Variants in MICOS13 observed in about 807,000 individuals in gnomAD.
The protein encoded by MICOS13 is mitochondrial contact site and cristae organizing system subunit 13.
In MICOS13, 15 loss-of-function variants were observed where a neutral mutation model predicts 16.1. The observed-to-expected ratio is 0.93, with a 90% CI of 0.62 to 1.44. MICOS13 has a LOEUF of 1.44. Among genes scored for constraint, MICOS13 ranks in the 40% most tolerant of loss-of-function variants. The pLI, the probability that MICOS13 is intolerant of heterozygous loss-of-function variation, is 0.00. For missense variants in MICOS13, 164 were observed against 155.0 expected (o/e 1.06, Z -0.31); for synonymous variants, 61 against 62.6 (o/e 0.97, Z 0.12).
rs751944867 is a variant in MICOS13 at position 5,679,642 on chromosome 19, C to CG, written c.150dup (p.Ala51ArgfsTer32). The CG allele has an allele frequency of 8.7e-6, 14 of 1,610,664 alleles. No individual in the cohort carries two copies. Among genetic ancestry groups the CG allele is most frequent in the East Asian group, 4.5e-5 (2 of 44,868 alleles). ...ACGTACTGGCTGAACTGGTACATGG[C>CG]GGGGGGGACCACCTCCCCAGCCTTC... On this transcript the variant is annotated frameshift_variant, in exon 2 of 4. Coordinates refer to ENST00000309324, the MANE Select transcript of MICOS13 (RefSeq NM_205767.3). LOFTEE classifies it high-confidence loss of function.
In MICOS13 at chr19:5,679,405, AAG is replaced by A; in HGVS notation, c.208-11_208-10del. 6.2e-7 allele frequency: 1 copy of A among 1,613,206 alleles called. No homozygotes were observed. ...TTTGGAGGGGCTGGGAGCTGGGAAAAAGAGATGGGCAGAAAGAACTGGTGAAA... is the reference window on the plus strand; with the variant it reads ...TTTGGAGGGGCTGGGAGCTGGGAAAAAGATGGGCAGAAAGAACTGGTGAAA... On this transcript the variant is annotated splice_polypyrimidine_tract_variant and intron_variant, in intron 2 of 3. Transcript: ENST00000309324.
Position 5,679,408 on chromosome 19 carries a change from A to T in MICOS13, c.208-12T>A, listed in dbSNP as rs764229984. On this transcript the variant is annotated splice_polypyrimidine_tract_variant and intron_variant, in intron 2 of 3. Coordinates refer to ENST00000309324, the MANE Select transcript of MICOS13 (RefSeq NM_205767.3). ...GGAGGGGCTGGGAGCTGGGAAAAAG[A>T]GATGGGCAGAAAGAACTGGTGAAAA... is the stretch of plus-strand genomic sequence containing the variant. 12 of 1,613,106 alleles carry T rather than the reference A, an allele frequency of 7.4e-6. No individual in the cohort carries two copies. The South Asian group carries it at 1.2e-4, about 16-fold the overall frequency.
At chr19:5,679,827 G>A (rs1489177376) in intron 1 of MICOS13, 64 bp from the exon 2 acceptor site, 5 of 1,519,024 alleles carry the variant, frequency 3.3e-6, no homozygotes, top group Non-Finnish European at 3.5e-6. Flanking sequence ...CAGGGGCCAA[G>A]GCCCACGGGG....
chr19:5,678,663 C>T lies in MICOS13; in HGVS notation c.260-15G>A, dbSNP rs750723881. On this transcript the variant is annotated splice_polypyrimidine_tract_variant and intron_variant, in intron 3 of 3. Transcript: ENST00000309324. The stretch of plus-strand genomic sequence containing the variant: ...CGTCATGATGCCTGTGGGAAAGGGA[C>T]GGCCACTGGTGATACTCCCCTCCCA... 41 of 1,486,790 alleles carry T rather than the reference C, an allele frequency of 2.8e-5. No individual in the cohort carries two copies. The highest frequency in any genetic ancestry group is 3.2e-5 in the Non-Finnish European group (35 of 1,110,104). 92.1% of individuals were successfully genotyped at this position (1,486,790 alleles called of 1,614,324 possible). A position where few individuals can be genotyped will look rare whatever the true frequency, so the allele number is the denominator to read the frequency against.
intron 1 of MICOS13, 113 bp from the exon 2 acceptor site, chr19:5,679,876 G>C (rs1316610132): frequency 2.8e-6 from 4 of 1,412,092 alleles, no homozygotes; most frequent in Non-Finnish European, 3.8e-6. Flanking sequence ...TCCACAGGGT[G>C]ACACTCTGTA....
chr19:5,679,868 C>T (rs2054501321), intron 1 of MICOS13, 105 bp from the exon 2 acceptor site: 2 of 1,413,012 alleles, frequency 1.4e-6, no homozygotes, highest in Non-Finnish European at 1.9e-6. Flanking sequence ...GCTCACCGTC[C>T]ACAGGGTGAC....
At chr19:5,679,249 G>GCAGGAAGGAGGATGGA in intron 3 of MICOS13, 96 bp downstream of exon 3, 1 of 1,303,762 alleles carries the variant, frequency 7.7e-7, no homozygotes, top group Non-Finnish European at 1.1e-6. Context: ...CACGTGTCGG[G>GCAGGAAGGAGGATGGA]CAGGAAGGAG....
At position 5,678,600 on chromosome 19, in the gene MICOS13, C is replaced by A. The variant is rs778546765; in HGVS notation, c.308G>T (p.Arg103Leu). Residue 103 changes from arginine to leucine, a missense_variant, in exon 4 of 4, where the codon CGC becomes CTC. Arg to Leu is a moderately radical substitution (Grantham distance 102, BLOSUM62 -2). Coordinates refer to ENST00000309324, the MANE Select transcript of MICOS13 (RefSeq NM_205767.3). ...SALSVAPSKAREYSKEGWEYV... is the reference protein window; with the variant it reads ...SALSVAPSKALEYSKEGWEYV... ...CTCCCAGCCCTCCTTGGAGTACTCGCGGGCCTTGGAGGGGGCCACCGACAG... is the reference window on the plus strand; with the variant it reads ...CTCCCAGCCCTCCTTGGAGTACTCGAGGGCCTTGGAGGGGGCCACCGACAG... 10 of 1,548,332 alleles carry A rather than the reference C, an allele frequency of 6.5e-6. No homozygotes were observed. The South Asian group carries it at 8.3e-5, about 13-fold the overall frequency.
At chr19:5,680,229 C>A (rs1266292492) in intron 1 of MICOS13, 2 of 1,548,708 alleles carry the variant, frequency 1.3e-6, no homozygotes, top group African/African-American at 1.4e-5. Flanking sequence ...GCTGACACCG[C>A]GAACTGAACG....
Position 5,680,467 on chromosome 19 carries a change from G to A in MICOS13, c.20C>T (p.Ser7Leu), listed in dbSNP as rs546864089. 6 of 1,610,920 alleles carry A rather than the reference G, an allele frequency of 3.7e-6. No homozygotes were observed. The African/African-American group carries it at 5.3e-5, about 14-fold the overall frequency. MVARVWSLMRFLIKGSV... is the reference protein window; with the variant it reads MVARVWLLMRFLIKGSV... ...CGGCGCCCCCACGCACCTCATCAGC[G>A]ACCACACCCGGGCCACCATGGTCGC... The change falls in exon 1 of 4, where the codon TCG (serine) becomes TTG (leucine). Residue 7 changes from serine to leucine, a missense_variant. Physicochemically the swap from Ser to Leu is moderately radical, Grantham distance 145. Transcript: ENST00000309324.
In MICOS13 at chr19:5,679,618, C is replaced by T. The variant is rs2054494758; in HGVS notation, c.175G>A (p.Val59Met). ...PPAMYQFSQY[V>M]CQQTGLQIPQ... Reference sequence around the variant, plus strand: ...ATCTGCAGGCCTGTCTGCTGACACACGTACTGGCTGAACTGGTACATGGCG... The same window carrying T: ...ATCTGCAGGCCTGTCTGCTGACACATGTACTGGCTGAACTGGTACATGGCG... Residue 59 changes from valine to methionine, a missense_variant, in exon 2 of 4, where the codon GTG (valine) becomes ATG (methionine). Transcript: ENST00000309324. 1 of 1,611,080 alleles carries T rather than the reference C, an allele frequency of 6.2e-7. No individual in the cohort carries two copies. The highest frequency in any genetic ancestry group is 8.5e-7 in the Non-Finnish European group (1 of 1,179,284).
Position 5,679,779 on chromosome 19 carries a change from G to T in MICOS13, c.30-16C>A. 1 of 1,581,240 alleles carries T rather than the reference G, an allele frequency of 6.3e-7. No homozygotes were observed. On this transcript the variant is annotated splice_polypyrimidine_tract_variant and intron_variant, in intron 1 of 3. Transcript: ENST00000309324. ...GATGAGGAACCTGCGGGCAGGGACG[G>T]GAGGAGCAGAAGCTCAGCGGACACT...
chr19:5,679,721 C>T lies in MICOS13; in HGVS notation c.72G>A (p.Leu24=). ...GCCCCAGCAGCTCCTGGTCGTACAC[C>T]AGGTAGACGGCGCCCCCAGCCACAC... ...KGSVAGGAVY[L]VYDQELLGPS... Residue 24 remains leucine (L), a synonymous_variant, in exon 2 of 4, where the codon CTG becomes CTA. Coordinates refer to ENST00000309324, the MANE Select transcript of MICOS13 (RefSeq NM_205767.3). 1 of 1,609,756 alleles carries T rather than the reference C, an allele frequency of 6.2e-7. No individual in the cohort carries two copies. The highest frequency in any genetic ancestry group is 8.5e-7 in the Non-Finnish European group (1 of 1,179,212).
Position 5,678,443 on chromosome 19 carries a change from G to T in MICOS13, c.*108C>A, listed in dbSNP as rs2145517760. Reference sequence around the variant, plus strand: ...GGAACACTTCTGAAGTCCTTTATTGGGCCGGCAAGGCCGGGAGCTGCCCTC... The same window carrying T: ...GGAACACTTCTGAAGTCCTTTATTGTGCCGGCAAGGCCGGGAGCTGCCCTC... On this transcript the variant is annotated 3_prime_UTR_variant, in exon 4 of 4. Transcript: ENST00000309324. The T allele has an allele frequency of 9.3e-7, 1 of 1,078,424 alleles. No individual in the cohort carries two copies. The highest frequency in any genetic ancestry group is 1.3e-6 in the Non-Finnish European group (1 of 741,912). The allele number at this position is 1,078,424 out of a possible 1,614,324, so 66.8% of individuals were successfully genotyped here. A position where few individuals can be genotyped will look rare whatever the true frequency, so the allele number is the denominator to read the frequency against.
intron 3 of MICOS13, 179 bp from the exon 4 acceptor site, chr19:5,678,827 C>T (rs948214234): frequency 3.6e-5 from 20 of 548,342 alleles, no homozygotes; most frequent in Non-Finnish European, 4.5e-5. Context: ...CTGCAACCTT[C>T]GCCTCCTGGG....
intron 2 of MICOS13, 25 bp downstream of exon 2, chr19:5,679,561 T>C: frequency 6.2e-7 from 1 of 1,605,206 alleles, no homozygotes; most frequent in Non-Finnish European, 8.5e-7. Context: ...CGCCAAACCC[T>C]GGCCTCGTTC....
chr19:5,678,436 T>C lies in MICOS13; in HGVS notation c.*115A>G, dbSNP rs2145517753. On this transcript the variant is annotated 3_prime_UTR_variant, in exon 4 of 4. Transcript: ENST00000309324. ...GGGTCAGGGAACACTTCTGAAGTCCTTTATTGGGCCGGCAAGGCCGGGAGC... is the reference window on the plus strand; with the variant it reads ...GGGTCAGGGAACACTTCTGAAGTCCCTTATTGGGCCGGCAAGGCCGGGAGC... 1.9e-6 allele frequency: 2 copies of C among 1,047,122 alleles called. No individual in the cohort carries two copies. The highest frequency in any genetic ancestry group is 4.7e-5 in the Admixed American group (2 of 42,458). The allele number at this position is 1,047,122 out of a possible 1,614,324, so 64.9% of individuals were successfully genotyped here. A position where few individuals can be genotyped will look rare whatever the true frequency, so the allele number is the denominator to read the frequency against.
rs201308097 is a variant in MICOS13 at position 5,679,643 on chromosome 19, G to T, written c.150C>A (p.Pro50=). The change falls in exon 2 of 4, where the codon CCC becomes CCA. Residue 50 remains proline (P), a synonymous_variant. Transcript: ENST00000309324. ...ALQKAGEVVP[P]AMYQFSQYVC... ...CGTACTGGCTGAACTGGTACATGGC[G>T]GGGGGGACCACCTCCCCAGCCTTCT... is the stretch of plus-strand genomic sequence containing the variant. The T allele has an allele frequency of 1.8e-5, 29 of 1,609,528 alleles. No individual in the cohort carries two copies. The highest frequency in any genetic ancestry group is 2.5e-5 in the Non-Finnish European group (29 of 1,178,866).
rs1347498915 is a variant in MICOS13, at chr19:5,680,198, A to G, written c.29+260T>C. 2.8e-5 allele frequency: 43 copies of G among 1,538,348 alleles called. No homozygotes were observed. In the East Asian group the frequency reaches 1.0e-3, roughly 36 times the overall value. ...GGCATTCCCACCTCACAGAGAAGAC[A>G]ACTGAGGCTCGGAGGCGGAGGCTGA... On this transcript the variant is annotated intron_variant, in intron 1 of 3. Transcript: ENST00000309324.
Sources: gnomAD v4.1 joint callset for allele counts on GRCh38, gnomAD v4.1.1 for gene constraint, MANE v1.5 for transcripts, NCBI Gene and HGNC (gene_info 2026-07-23, HGNC 2026-07-21) for gene names.